The following ACACA variants were observed in gnomAD, a reference collection of about 807,000 sequenced individuals.
The protein encoded by ACACA is acetyl-CoA carboxylase 1.
In ACACA, 103 loss-of-function variants were observed where a neutral mutation model predicts 296.1. The ratio of observed to expected loss-of-function variants is 0.35; its 90% CI spans 0.30 to 0.41. The LOEUF (loss-of-function observed/expected upper bound fraction) is 0.41. Ranked by LOEUF, ACACA falls within the 10% of genes least tolerant of loss-of-function variation. The probability of loss-of-function intolerance (pLI) is 1.00; values close to 1 mark genes in which losing one functional copy is unlikely to be tolerated. For missense variants in ACACA, 1,554 were observed against 2,989.7 expected, an observed-to-expected ratio of 0.52 and a Z score of 11.20; for synonymous variants, 953 against 1,038.6, an observed-to-expected ratio of 0.92 and a Z score of 1.58.
At chr17:37,256,421 G>T (rs1302581639) in intron 14 of ACACA, among the ~76,000 whole-genome samples, 3 of 152,144 alleles carry the variant, frequency 2.0e-5, no homozygotes, top group Non-Finnish European at 4.4e-5. Flanking sequence ...GAAATAATGA[G>T]ATTTCCCTAC....
At chr17:37,143,087 T>C (rs145767556) in intron 45 of ACACA, among the ~76,000 whole-genome samples, 86 of 152,268 alleles carry the variant, frequency 5.6e-4, no homozygotes, top group African/African-American at 1.9e-3. Flanking sequence ...CTTTTACAGT[T>C]AATAAAACTG....
intron 43 of ACACA, 37 bp downstream of exon 43, chr17:37,155,646 A>C: frequency 6.0e-6 from 8 of 1,343,056 alleles, no homozygotes; most frequent in Non-Finnish European, 8.5e-6. Flanking sequence ...TCCTTTCTTT[A>C]GTCATGACCA....
At chr17:37,268,179 G>C (rs1228680258) in intron 10 of ACACA, among the ~76,000 whole-genome samples, 1 of 152,022 alleles carries the variant, frequency 6.6e-6, no homozygotes, top group Non-Finnish European at 1.5e-5. Context: ...TGTTTCTACT[G>C]TTTTGTTCTT....
In ACACA at chr17:37,122,524, G is replaced by A; in HGVS notation, c.6138+7C>T. The A allele has an allele frequency of 6.2e-7, 1 of 1,613,132 alleles. No homozygotes were observed. The highest frequency in any genetic ancestry group is 8.5e-7 in the Non-Finnish European group (1 of 1,179,098). On this transcript the variant is annotated splice_region_variant and intron_variant, in intron 49 of 55. Coordinates refer to ENST00000616317, the MANE Select transcript of ACACA (RefSeq NM_198834.3). ...GCACAGCCCCCAGTGTACTTGAGGTGGCCTACCTTGGCTTCAGAATCCAGG... is the reference window on the plus strand; with the variant it reads ...GCACAGCCCCCAGTGTACTTGAGGTAGCCTACCTTGGCTTCAGAATCCAGG...
At chr17:37,314,595 G>A (rs976121107) in intron 3 of ACACA, among the ~76,000 whole-genome samples, 1 of 147,498 alleles carries the variant, frequency 6.8e-6, no homozygotes, top group Admixed American at 6.8e-5. Flanking sequence ...ACCAGAGGCT[G>A]TAATCTAATA....
intron 3 of ACACA, among the ~76,000 whole-genome samples, chr17:37,324,685 A>T (rs1598490637): frequency 6.7e-6 from 1 of 149,884 alleles, no homozygotes; most frequent in Admixed American, 6.7e-5. Context: ...AAAAAAAAAA[A>T]TTTGCCAGGC....
intron 26 of ACACA, chr17:37,225,319 T>C (rs1450957935): frequency 1.9e-6 from 1 of 515,490 alleles, no homozygotes; most frequent in Non-Finnish European, 3.5e-6. Context: ...ATGATTTGCA[T>C]TGTGGCCAAT....
chr17:37,185,419 T>C (rs2077493853), intron 39 of ACACA, among the ~76,000 whole-genome samples: 1 of 142,110 alleles, frequency 7.0e-6, no homozygotes, highest in East Asian at 2.0e-4. Context: ...TTTTTTTTTT[T>C]TTTTTTTTTT....
At chr17:37,211,648 G>C (rs1214894450) in intron 29 of ACACA, among the ~76,000 whole-genome samples, 1 of 152,182 alleles carries the variant, frequency 6.6e-6, no homozygotes, top group African/African-American at 2.4e-5. Context: ...TATGTGGAAA[G>C]GAAGATAGAG....
Position 37,406,253 on chromosome 17 carries a change from G to A in ACACA, c.38+9C>T. On this transcript the variant is annotated intron_variant, in intron 1 of 55. Coordinates refer to ENST00000616317, the MANE Select transcript of ACACA (RefSeq NM_198834.3). ...ATTAACAGCAGTAATAAGAGATCTT[G>A]GGACATACCTAGCCCTCAAGATTGA... 1 of 1,613,936 alleles carries A rather than the reference G, an allele frequency of 6.2e-7. No homozygotes were observed. The highest frequency in any genetic ancestry group is 1.1e-5 in the South Asian group (1 of 91,066).
intron 25 of ACACA, among the ~76,000 whole-genome samples, chr17:37,228,424 C>CAG (rs1341276204): frequency 6.6e-6 from 1 of 152,002 alleles, no homozygotes; most frequent in Non-Finnish European, 1.5e-5. Context: ...AAGATAAACC[C>CAG]AGAGGTTCTA....
chr17:37,403,353 T>C (rs1597813440), intron 1 of ACACA, among the ~76,000 whole-genome samples: 1 of 150,984 alleles, frequency 6.6e-6, no homozygotes, highest in East Asian at 1.9e-4. Flanking sequence ...ACTGTGCATG[T>C]TAATTTTGCC....
intron 52 of ACACA, among the ~76,000 whole-genome samples, chr17:37,110,886 G>C (rs961078007): frequency 1.5e-4 from 23 of 152,154 alleles, no homozygotes; most frequent in African/African-American, 5.6e-4. Context: ...AAAAGAATCT[G>C]AAACTCATTT....
At position 37,248,056 on chromosome 17, in the gene ACACA, T is replaced by C; in HGVS notation, c.2264A>G (p.Tyr755Cys). ...RLSDGGLLLS[Y>C]DGSSYTTYMK... ...ATACGTAGTATAACTGCTGCCATCATAGGACAAGAGCAGTCCACCGTCACT... is the reference window on the plus strand; with the variant it reads ...ATACGTAGTATAACTGCTGCCATCACAGGACAAGAGCAGTCCACCGTCACT... Residue 755 changes from tyrosine to cysteine, a missense_variant, in exon 18 of 56, where the codon TAT becomes TGT. Tyr to Cys is a radical substitution (Grantham distance 194). This residue lies in a region of ACACA where 316 missense variants were observed against 540.9 expected (regional missense o/e 0.58). Coordinates refer to ENST00000616317, the MANE Select transcript of ACACA (RefSeq NM_198834.3). The C allele has an allele frequency of 1.2e-6, 2 of 1,614,174 alleles. No homozygotes were observed. Among genetic ancestry groups the C allele is most frequent in the Non-Finnish European group, 1.7e-6 (2 of 1,180,022 alleles).
chr17:37,248,808 T>A, intron 16 of ACACA, 134 bp from the exon 17 acceptor site: 1 of 643,998 alleles, frequency 1.6e-6, no homozygotes. Flanking sequence ...TGATCGTTTG[T>A]AAGGAATTGA....
At chr17:37,317,700 T>A (rs529134711) in intron 3 of ACACA, among the ~76,000 whole-genome samples, 7 of 152,336 alleles carry the variant, frequency 4.6e-5, no homozygotes, top group African/African-American at 1.7e-4. Context: ...GGGAAATGCA[T>A]GCATTACACT....
intron 1 of ACACA, among the ~76,000 whole-genome samples, chr17:37,384,687 T>C (rs1458595858): frequency 6.6e-6 from 1 of 152,220 alleles, no homozygotes; most frequent in Non-Finnish European, 1.5e-5. Context: ...ATGATGAAAA[T>C]GTTCTTGTTT....
intron 1 of ACACA, among the ~76,000 whole-genome samples, chr17:37,344,356 G>A (rs945889604): frequency 4.0e-5 from 6 of 151,770 alleles, no homozygotes; most frequent in African/African-American, 1.2e-4. Flanking sequence ...TCAGGAGTTC[G>A]AGACCAGCCT....
At chr17:37,177,447 G>T (rs959167526) in intron 41 of ACACA, among the ~76,000 whole-genome samples, 2 of 152,092 alleles carry the variant, frequency 1.3e-5, no homozygotes, top group African/African-American at 4.8e-5. Context: ...ACTATTCCCT[G>T]AGTCTCCATT....
Sources: gnomAD v4.1 joint callset for allele counts (sites outside exome capture counted in the v4.1 genomes callset) on GRCh38, gnomAD v4.1.1 for gene constraint, gnomAD v4.1.1 regional missense constraint, MANE v1.5 for transcripts, NCBI Gene and HGNC (gene_info 2026-07-23, HGNC 2026-07-21) for gene names.